Variants in TMC1 observed in about 807,000 individuals in gnomAD.
TMC1 encodes transmembrane channel like 1, also known as transmembrane channel-like protein 1.
A neutral mutation model predicts 105.8 loss-of-function variants in TMC1; 84 were observed. The ratio of observed to expected loss-of-function variants is 0.79; its 90% confidence interval spans 0.67 to 0.95. The LOEUF is 0.95. Ranked by LOEUF, TMC1 falls within the 40% of genes least tolerant of loss-of-function variation. The pLI is 0.00. For missense variants in TMC1, 817 were observed against 914.1 expected (o/e 0.89, Z 1.37); for synonymous variants, 315 against 311.5 (o/e 1.01, Z -0.12).
chr9:72,752,324 T>G (rs1264256316), intron 11 of TMC1, among the ~76,000 whole-genome samples: 5 of 152,176 alleles, frequency 3.3e-5, no homozygotes, highest in Non-Finnish European at 7.3e-5. Context: ...ATTTCTTTAT[T>G]TTGCCAAGTT....
Position 72,826,859 on chromosome 9 carries a change from A to G in TMC1, c.2004-10A>G, listed in dbSNP as rs1239952237. The G allele has an allele frequency of 5.6e-6, 9 of 1,613,776 alleles. No individual in the cohort carries two copies. Among genetic ancestry groups the G allele is most frequent in the Non-Finnish European group, 7.6e-6 (9 of 1,179,760 alleles). ...TAATAAACTTATCTCCCCCTTTTTA[A>G]TTCCCCCAGTGGCAAAAATAGAATG... On this transcript the variant is annotated splice_polypyrimidine_tract_variant and intron_variant, in intron 20 of 23. Coordinates refer to ENST00000297784, the MANE Select transcript of TMC1 (RefSeq NM_138691.3).
intron 1 of TMC1, among the ~76,000 whole-genome samples, chr9:72,545,135 TATAC>T (rs1340613243): frequency 3.9e-5 from 5 of 129,504 alleles, no homozygotes; most frequent in African/African-American, 1.5e-4. Flanking sequence ...ATGATATATA[TATAC>T]ACACACACAC....
At position 72,805,447 on chromosome 9, in the gene TMC1, T is replaced by C. The variant is rs772378812; in HGVS notation, c.1632T>C (p.Phe544=). 5 of 1,613,954 alleles carry C rather than the reference T, an allele frequency of 3.1e-6. No homozygotes were observed. Among genetic ancestry groups the C allele is most frequent in the Non-Finnish European group, 3.4e-6 (4 of 1,179,990 alleles). ...ACGTCACAATCCTCATTGGGGACTT[T>C]CTAAGGGCATGTTTTGTGAGGTTTT... The part of the protein sequence containing the change: ...TTYVTILIGD[F]LRACFVRFCN... Residue 544 remains phenylalanine, a synonymous_variant, in exon 18 of 24, where the codon TTT becomes TTC. Coordinates refer to ENST00000297784, the MANE Select transcript of TMC1 (RefSeq NM_138691.3).
intron 1 of TMC1, among the ~76,000 whole-genome samples, chr9:72,548,114 A>G (rs1363775643): frequency 6.6e-6 from 1 of 152,174 alleles, no homozygotes; most frequent in Non-Finnish European, 1.5e-5. Context: ...CAACACAGGA[A>G]TTTTGGGGGT....
chr9:72,583,519 T>C (rs1824505269), intron 2 of TMC1, among the ~76,000 whole-genome samples: 2 of 152,220 alleles, frequency 1.3e-5, no homozygotes, highest in Non-Finnish European at 2.9e-5. Flanking sequence ...TGAGACTCAA[T>C]TGTTTGCTGA....
In TMC1 at chr9:72,737,008, G is replaced by A. The variant is rs3910859; in HGVS notation, c.363-3111G>A. 6.5e-3 allele frequency among the ~76,000 whole-genome samples: 985 copies of A among 152,292 alleles called. 11 individuals carry two copies. Among genetic ancestry groups the A allele is most frequent in the Non-Finnish European group, 9.1e-3 (620 of 68,032 alleles). ...TTGAAAAAGACCTAACGTTCCCTGT[G>A]GAAGTTGGCCTTCAAAAGGGTGCAG... On this transcript the variant is annotated intron_variant, in intron 8 of 23. Transcript: ENST00000297784.
chr9:72,645,273 G>A (rs1158792399), intron 4 of TMC1, among the ~76,000 whole-genome samples: 1 of 152,182 alleles, frequency 6.6e-6, no homozygotes. Flanking sequence ...CACTCTATGG[G>A]TGCCAAAACC....
In TMC1 at chr9:72,532,571, A is replaced by C. The variant is rs1428330058; in HGVS notation, c.-428+10658A>C. On this transcript the variant is annotated intron_variant, in intron 1 of 23. Coordinates refer to ENST00000297784, the MANE Select transcript of TMC1 (RefSeq NM_138691.3). ...AAAAAAAAAAAAAAAAAAAAAAAAA[A>C]AAAAAAAAAAAAAAAACTTTACCGG... Among the ~76,000 whole-genome samples the C allele has an allele frequency of 4.9e-5, 7 of 143,356 alleles. No individual in the cohort carries two copies. In the East Asian group the frequency reaches 1.5e-3, roughly 31 times the overall value. The allele number at this position is 143,356 out of a possible 152,430, so 94.0% of individuals were successfully genotyped here.
intron 2 of TMC1, among the ~76,000 whole-genome samples, chr9:72,613,412 C>T (rs1274531022): frequency 6.6e-6 from 1 of 152,238 alleles, no homozygotes; most frequent in South Asian, 2.1e-4. Context: ...AGGTGTGAGT[C>T]ACTGCTCCCA....
At chr9:72,543,954 T>TTCTTTCTTTCTTTC (rs71357580) in intron 1 of TMC1, among the ~76,000 whole-genome samples, 73 of 118,554 alleles carry the variant, frequency 6.2e-4, no homozygotes, top group African/African-American at 1.9e-3. Context: ...CTTTCTTTCT[T>TTCTTTCTTTCTTTC]TTTTTTTTTT....
chr9:72,532,114 A>G (rs577466951), intron 1 of TMC1, among the ~76,000 whole-genome samples: 147 of 151,928 alleles, frequency 9.7e-4, no homozygotes, highest in Non-Finnish European at 1.7e-3. Context: ...TATTTTTAGT[A>G]GAGATGGAGT....
intron 1 of TMC1, among the ~76,000 whole-genome samples, chr9:72,528,420 C>T (rs140014843): frequency 5.3e-5 from 8 of 150,206 alleles, no homozygotes; most frequent in Non-Finnish European, 7.4e-5. Flanking sequence ...CAACAAACTC[C>T]GCCTCCCGGG....
intron 1 of TMC1, among the ~76,000 whole-genome samples, chr9:72,577,504 A>G (rs1466656556): frequency 6.6e-6 from 1 of 152,202 alleles, no homozygotes; most frequent in East Asian, 1.9e-4. Flanking sequence ...ACAGATCAAA[A>G]ACAGTGTGCC....
intron 18 of TMC1, among the ~76,000 whole-genome samples, chr9:72,812,916 A>G (rs2118270890): frequency 6.6e-6 from 1 of 152,348 alleles, no homozygotes; most frequent in Middle Eastern, 3.4e-3. Context: ...TCAAGTGAGC[A>G]CCATATGTCT....
intron 8 of TMC1, among the ~76,000 whole-genome samples, chr9:72,727,849 CA>C (rs1827147752): frequency 6.6e-6 from 1 of 151,920 alleles, no homozygotes; most frequent in African/African-American, 2.4e-5. Flanking sequence ...ATAACATGCT[CA>C]ACTGATTCAT....
chr9:72,822,642 G>A (rs1202896875), intron 20 of TMC1, among the ~76,000 whole-genome samples: 3 of 151,624 alleles, frequency 2.0e-5, no homozygotes, highest in Non-Finnish European at 4.4e-5. Context: ...TGAGACATTC[G>A]TCTCAATAAA....
At chr9:72,707,380 T>A (rs995738021) in intron 8 of TMC1, among the ~76,000 whole-genome samples, 10 of 152,192 alleles carry the variant, frequency 6.6e-5, no homozygotes, top group Non-Finnish European at 2.9e-5. Context: ...CCACCAGCAG[T>A]GTAGAAGTGT....
intron 10 of TMC1, among the ~76,000 whole-genome samples, chr9:72,746,654 C>T (rs1047253444): frequency 6.6e-5 from 10 of 152,132 alleles, no homozygotes; most frequent in African/African-American, 2.4e-4. Context: ...GAATCAAGAG[C>T]GGGACCCAAA....
chr9:72,545,137 T>TACAC (rs61673540), intron 1 of TMC1, among the ~76,000 whole-genome samples: 193 of 148,174 alleles, frequency 1.3e-3, no homozygotes, highest in Middle Eastern at 3.4e-3. Flanking sequence ...GATATATATA[T>TACAC]ACACACACAC....
Sources: gnomAD v4.1 joint callset for allele counts (sites outside exome capture counted in the v4.1 genomes callset) on GRCh38, gnomAD v4.1.1 for gene constraint, MANE v1.5 for transcripts, NCBI Gene and HGNC (gene_info 2026-07-23, HGNC 2026-07-21) for gene names.